AGPS: variants seen among roughly 807,000 people sequenced by gnomAD.
AGPS encodes alkylglycerone phosphate synthase.
A neutral mutation model predicts 90.7 loss-of-function variants in AGPS; 26 were observed. That is an observed-to-expected ratio of 0.29 (90% confidence interval 0.21 to 0.40). The LOEUF (loss-of-function observed/expected upper bound fraction) is 0.40, where lower values mean the gene tolerates loss of function less well. Among genes scored for constraint, AGPS ranks in the 10% least tolerant of loss-of-function variants. The pLI, the probability that AGPS is intolerant of heterozygous loss-of-function variation, is 1.00. For missense variants in AGPS, 540 were observed against 816.1 expected (o/e 0.66, Z 4.12); for synonymous variants, 294 against 285.3 (o/e 1.03, Z -0.31).
chr2:177,491,670 C>G (rs1688264612), intron 11 of AGPS, among the ~76,000 whole-genome samples: 1 of 150,322 alleles, frequency 6.7e-6, no homozygotes, highest in South Asian at 2.1e-4. Context: ...TGTTTGCAAA[C>G]CAAGATTTAA....
chr2:177,499,577 A>G (rs1287437647), intron 13 of AGPS, 41 bp from the exon 14 acceptor site: 2 of 1,277,304 alleles, frequency 1.6e-6, no homozygotes, highest in Non-Finnish European at 2.3e-6. Flanking sequence ...GTTTTGTAGG[A>G]TAAGACTTAT....
At chr2:177,394,550 G>A (rs916936646) in intron 1 of AGPS, among the ~76,000 whole-genome samples, 1 of 152,112 alleles carries the variant, frequency 6.6e-6, no homozygotes, top group African/African-American at 2.4e-5. Flanking sequence ...TTTTACGTGG[G>A]GCAATACATG....
chr2:177,393,312 G>A (rs2105576859), intron 1 of AGPS: 2 of 985,400 alleles, frequency 2.0e-6, no homozygotes, highest in Middle Eastern at 5.2e-4. Flanking sequence ...AGGGTTTAAA[G>A]GATTCCTTTT....
At chr2:177,523,695 C>T (rs1559083695) in intron 18 of AGPS, 53 bp from the exon 19 acceptor site, 10 of 1,527,386 alleles carry the variant, frequency 6.5e-6, no homozygotes, top group Non-Finnish European at 8.2e-6. Flanking sequence ...TTTTCTTTCA[C>T]TGCAAAATGA....
At chr2:177,522,509 G>C (rs1689226443) in intron 18 of AGPS, among the ~76,000 whole-genome samples, 1 of 152,160 alleles carries the variant, frequency 6.6e-6, no homozygotes, top group Non-Finnish European at 1.5e-5. Flanking sequence ...GAGTGCAGTG[G>C]CGTGATCTCG....
At chr2:177,511,241 A>C (rs756514376) in intron 16 of AGPS, among the ~76,000 whole-genome samples, 1 of 152,030 alleles carries the variant, frequency 6.6e-6, no homozygotes, top group African/African-American at 2.4e-5. Flanking sequence ...CTAGGATCCC[A>C]GGTGCACGTC....
At chr2:177,497,168 G>A (rs1020400461) in intron 12 of AGPS, among the ~76,000 whole-genome samples, 6 of 151,856 alleles carry the variant, frequency 4.0e-5, no homozygotes, top group African/African-American at 1.2e-4. Flanking sequence ...TTAACTCTCC[G>A]GGTGTGATTA....
At chr2:177,426,747 T>C (rs1686092570) in intron 2 of AGPS, among the ~76,000 whole-genome samples, 1 of 152,162 alleles carries the variant, frequency 6.6e-6, no homozygotes, top group Admixed American at 6.6e-5. Flanking sequence ...AGCTTTTTGA[T>C]GTATTGCTGG....
chr2:177,496,507 C>T (rs886700002), intron 12 of AGPS, among the ~76,000 whole-genome samples: 6 of 152,078 alleles, frequency 3.9e-5, no homozygotes, highest in East Asian at 3.9e-4. Flanking sequence ...AATCCCCAAG[C>T]GTATCTCTTA....
intron 1 of AGPS, 94 bp from the exon 2 acceptor site, chr2:177,420,175 T>C: frequency 1.2e-6 from 1 of 817,874 alleles, no homozygotes; most frequent in Non-Finnish European, 2.1e-6. Context: ...GCATAAGGTA[T>C]TTTAGATGAT....
intron 1 of AGPS, among the ~76,000 whole-genome samples, chr2:177,402,921 G>A (rs1332850063): frequency 6.6e-6 from 1 of 152,170 alleles, no homozygotes; most frequent in Non-Finnish European, 1.5e-5. Flanking sequence ...GCCAGGCGTG[G>A]TGGTGCACGC....
At chr2:177,444,933 C>T (rs184723144) in intron 7 of AGPS, among the ~76,000 whole-genome samples, 206 of 152,186 alleles carry the variant, frequency 1.4e-3, no homozygotes, top group Non-Finnish European at 2.3e-3. Context: ...AAATTTAGTT[C>T]CTTCTTTTGA....
At chr2:177,428,094 C>CT in intron 2 of AGPS, among the ~76,000 whole-genome samples, 1 of 152,224 alleles carries the variant, frequency 6.6e-6, no homozygotes, top group African/African-American at 2.4e-5. Flanking sequence ...TCTTCTTTGT[C>CT]TTTTTTGGTC....
At position 177,532,392 on chromosome 2, in the gene AGPS, AAATT is replaced by A. The variant is rs367683135; in HGVS notation, c.1856-5679_1856-5676del. The stretch of plus-strand genomic sequence containing the variant: ...ACATCGTTAGCTATTAGGGAAATGA[AAATT>A]AAAGCCACAGGAGATATCACTACAC... On this transcript the variant is annotated intron_variant, in intron 19 of 19. Coordinates refer to ENST00000264167, the MANE Select transcript of AGPS (RefSeq NM_003659.4). 6.0e-4 allele frequency among the ~76,000 whole-genome samples: 91 copies of A among 152,330 alleles called. 1 individual carries two copies. The highest frequency in any genetic ancestry group is 2.1e-3 in the African/African-American group (88 of 41,576).
At chr2:177,534,319 T>TG (rs1357114633) in intron 19 of AGPS, among the ~76,000 whole-genome samples, 2 of 152,202 alleles carry the variant, frequency 1.3e-5, no homozygotes, top group African/African-American at 4.8e-5. Context: ...ACTTCTTTCT[T>TG]GCATTCTTTC....
Position 177,497,844 on chromosome 2 carries a change from G to A in AGPS, c.1362+79G>A, listed in dbSNP as rs12468046. 596,530 of 676,678 alleles carry A rather than the reference G, an allele frequency of 0.88. 263,440 individuals are homozygous for A. The highest frequency in any genetic ancestry group is 0.99 in the East Asian group (33,045 of 33,352). 41.9% of individuals were successfully genotyped at this position (676,678 alleles called of 1,614,324 possible). A position where few individuals can be genotyped will look rare whatever the true frequency, so the allele number is the denominator to read the frequency against. On this transcript the variant is annotated intron_variant, in intron 13 of 19. Coordinates refer to ENST00000264167, the MANE Select transcript of AGPS (RefSeq NM_003659.4). The stretch of plus-strand genomic sequence containing the variant: ...TGCTTTCTTCCCACATGCACCTATT[G>A]TAAGGGTGTTTTTCCATGTTGCTAT...
chr2:177,407,070 A>G (rs1303375272), intron 1 of AGPS, among the ~76,000 whole-genome samples: 3 of 152,158 alleles, frequency 2.0e-5, no homozygotes, highest in Admixed American at 2.0e-4. Flanking sequence ...TCATGGTTTA[A>G]ATCCTAGCTG....
chr2:177,462,254 G>T (rs1232414024), intron 9 of AGPS, among the ~76,000 whole-genome samples: 2 of 151,684 alleles, frequency 1.3e-5, no homozygotes, highest in Non-Finnish European at 1.5e-5. Context: ...TTAGTCGGGT[G>T]TGGTGGCGGG....
intron 9 of AGPS, among the ~76,000 whole-genome samples, chr2:177,463,676 T>C (rs1177588552): frequency 6.6e-6 from 1 of 152,180 alleles, no homozygotes; most frequent in African/African-American, 2.4e-5. Context: ...ATTCAAGGCA[T>C]TTAGAAAAGC....
Sources: allele counts gnomAD v4.1 joint callset (sites outside exome capture counted in the v4.1 genomes callset), GRCh38; gene constraint gnomAD v4.1.1; transcripts MANE v1.5; gene names NCBI Gene and HGNC (gene_info 2026-07-23, HGNC 2026-07-21).